Variants in TAFA2 observed in about 807,000 individuals in gnomAD.
The protein encoded by TAFA2 is chemokine-like protein TAFA-2.
In TAFA2, 7 loss-of-function variants were observed where a neutral mutation model predicts 18.8. That is an observed-to-expected ratio of 0.37 (90% CI 0.21 to 0.70). The LOEUF is 0.70. Ranked by LOEUF, TAFA2 falls within the 30% of genes least tolerant of loss-of-function variation. The pLI, the probability that TAFA2 is intolerant of heterozygous loss-of-function variation, is 0.53. For synonymous variants in TAFA2, 60 were observed against 54.2 expected (o/e 1.11, Z -0.47); for missense variants, 122 against 158.1 (o/e 0.77, Z 1.23).
chr12:61,921,523 T>A (rs1483945339), intron 1 of TAFA2, among the ~76,000 whole-genome samples: 1 of 152,172 alleles, frequency 6.6e-6, no homozygotes, highest in African/African-American at 2.4e-5. Context: ...AGACTTTTTG[T>A]TGTTTGGTGT....
intron 1 of TAFA2, among the ~76,000 whole-genome samples, chr12:62,001,575 C>G (rs1180066363): frequency 6.6e-6 from 1 of 151,962 alleles, no homozygotes; most frequent in Non-Finnish European, 1.5e-5. Flanking sequence ...GGTTTGTGCT[C>G]CTATGAGAAT....
At chr12:61,914,022 A>T (rs1359730190) in intron 1 of TAFA2, among the ~76,000 whole-genome samples, 1 of 152,182 alleles carries the variant, frequency 6.6e-6, no homozygotes, top group Non-Finnish European at 1.5e-5. Context: ...CCCCAGCTAT[A>T]TTGCCATACC....
intron 1 of TAFA2, among the ~76,000 whole-genome samples, chr12:61,905,146 T>C (rs1876288474): frequency 6.6e-6 from 1 of 152,148 alleles, no homozygotes; most frequent in Admixed American, 6.5e-5. Flanking sequence ...TTGTAGAGAA[T>C]TACTATGCCA....
At chr12:61,871,062 G>A (rs1182507550) in intron 1 of TAFA2, among the ~76,000 whole-genome samples, 1 of 152,086 alleles carries the variant, frequency 6.6e-6, no homozygotes, top group East Asian at 1.9e-4. Flanking sequence ...ATGAGAGGAA[G>A]GAAGTGTGTG....
At chr12:61,826,020 C>T (rs888312352) in intron 2 of TAFA2, among the ~76,000 whole-genome samples, 15 of 152,162 alleles carry the variant, frequency 9.9e-5, no homozygotes, top group African/African-American at 3.6e-4. Context: ...AATTTTCTGA[C>T]ATACTTTCCA....
chr12:62,059,584 G>A (rs940985939), intron 1 of TAFA2, among the ~76,000 whole-genome samples: 2 of 152,060 alleles, frequency 1.3e-5, no homozygotes, highest in South Asian at 2.1e-4. Context: ...TCAGGAAAGG[G>A]CTCCAGAATA....
chr12:62,006,300 C>T (rs1179627822), intron 1 of TAFA2, among the ~76,000 whole-genome samples: 1 of 152,086 alleles, frequency 6.6e-6, no homozygotes, highest in East Asian at 1.9e-4. Flanking sequence ...CAAAGGCAAA[C>T]AGGGTTGTGA....
chr12:62,205,539 T>C (rs2062688275), intron 1 of TAFA2, among the ~76,000 whole-genome samples: 1 of 152,176 alleles, frequency 6.6e-6, no homozygotes, highest in African/African-American at 2.4e-5. Flanking sequence ...ATTGCTGAAA[T>C]TCCCCAGGGA....
At chr12:62,082,729 C>T (rs531135099) in intron 1 of TAFA2, among the ~76,000 whole-genome samples, 2 of 152,156 alleles carry the variant, frequency 1.3e-5, no homozygotes, top group South Asian at 4.1e-4. Context: ...GTAATTACAT[C>T]AAGTATTGAA....
At chr12:61,911,375 T>A (rs966100667) in intron 1 of TAFA2, among the ~76,000 whole-genome samples, 2 of 152,200 alleles carry the variant, frequency 1.3e-5, no homozygotes, top group African/African-American at 4.8e-5. Context: ...ACCTGTCATT[T>A]ATCTTACACT....
At chr12:61,827,640 T>G (rs768934150) in intron 2 of TAFA2, among the ~76,000 whole-genome samples, 1 of 152,044 alleles carries the variant, frequency 6.6e-6, no homozygotes, top group Non-Finnish European at 1.5e-5. Context: ...TAAAACATGT[T>G]TAGAAAACAG....
chr12:62,038,130 C>T (rs1299190446), intron 1 of TAFA2, among the ~76,000 whole-genome samples: 1 of 152,106 alleles, frequency 6.6e-6, no homozygotes. Flanking sequence ...TAGGTCAAAA[C>T]AGACAAAGTA....
intron 4 of TAFA2, among the ~76,000 whole-genome samples, chr12:61,753,137 T>A (rs7974958): frequency 6.6e-6 from 1 of 151,896 alleles, no homozygotes; most frequent in Admixed American, 6.6e-5. Context: ...TAATTGTAAA[T>A]CTTAACCACT....
chr12:62,119,131 T>C (rs547054780), intron 1 of TAFA2, among the ~76,000 whole-genome samples: 1 of 152,166 alleles, frequency 6.6e-6, no homozygotes, highest in Non-Finnish European at 1.5e-5. Flanking sequence ...GGGAAGGACC[T>C]AGTGTCATGT....
At chr12:61,915,971 A>G (rs1387921840) in intron 1 of TAFA2, among the ~76,000 whole-genome samples, 1 of 152,186 alleles carries the variant, frequency 6.6e-6, no homozygotes, top group Non-Finnish European at 1.5e-5. Flanking sequence ...ATCAACCATC[A>G]CACCATGTAA....
intron 1 of TAFA2, among the ~76,000 whole-genome samples, chr12:61,920,006 A>G (rs975297151): frequency 2.6e-5 from 4 of 152,180 alleles, no homozygotes; most frequent in Admixed American, 2.6e-4. Context: ...TGCAATTATT[A>G]TATGCAAATT....
At chr12:62,113,657 G>T (rs1420133493) in intron 1 of TAFA2, among the ~76,000 whole-genome samples, 1 of 152,178 alleles carries the variant, frequency 6.6e-6, no homozygotes, top group East Asian at 1.9e-4. Context: ...GCCCCTGACT[G>T]GGACTGCTGC....
At chr12:62,025,240 C>T (rs1278333291) in intron 1 of TAFA2, among the ~76,000 whole-genome samples, 1 of 152,052 alleles carries the variant, frequency 6.6e-6, no homozygotes, top group Non-Finnish European at 1.5e-5. Flanking sequence ...ACAATAGAAA[C>T]TGGGTACTAC....
upstream of TAFA2, among the ~76,000 whole-genome samples, chr12:62,194,327 ATAC>A (rs1212774766): frequency 0.023 from 29 of 1,256 alleles, no homozygotes; most frequent in East Asian, 0.091. Flanking sequence ...ACACACACAC[ATAC>A]AAAAAAACAT....
Sources: allele counts gnomAD v4.1 joint callset (sites outside exome capture counted in the v4.1 genomes callset), GRCh38; gene constraint gnomAD v4.1.1; transcripts MANE v1.5; gene names NCBI Gene and HGNC (gene_info 2026-07-23, HGNC 2026-07-21).